The following ACVR2A variants were observed in gnomAD, a reference collection of about 807,000 sequenced individuals.
ACVR2A encodes the protein activin A receptor type 2A, also known as activin receptor type-2A.
In ACVR2A, 7 loss-of-function variants were observed where a neutral mutation model predicts 61.4. The ratio of observed to expected loss-of-function variants is 0.11; its 90% CI spans 0.06 to 0.21. The LOEUF (loss-of-function observed/expected upper bound fraction) is 0.21, where lower values mean the gene tolerates loss of function less well. Ranked by LOEUF, ACVR2A falls within the 10% of genes least tolerant of loss-of-function variation. The probability of loss-of-function intolerance (pLI) is 1.00; values close to 1 mark genes in which losing one functional copy is unlikely to be tolerated. For synonymous variants in ACVR2A, 193 were observed against 208.3 expected, an observed-to-expected ratio of 0.93 and a Z score of 0.63; for missense variants, 322 against 621.7, an observed-to-expected ratio of 0.52 and a Z score of 5.13.
At chr2:147,910,062 CAT>C (rs375584364) in intron 4 of ACVR2A, among the ~76,000 whole-genome samples, 80 of 152,202 alleles carry the variant, frequency 5.3e-4, no homozygotes, top group East Asian at 2.1e-3. Context: ...ATTAAGCAAA[CAT>C]ATGTGGTTAT....
chr2:147,918,580 C>T lies in ACVR2A; in HGVS notation c.950C>T (p.Ala317Val). 1.9e-6 allele frequency: 3 copies of T among 1,605,958 alleles called. No individual in the cohort carries two copies. The highest frequency in any genetic ancestry group is 2.5e-6 in the Non-Finnish European group (3 of 1,176,890). ...IPGLKDGHKP[A>V]ISHRDIKSKN... ...GGCCTAAAAGATGGCCACAAACCTG[C>T]CATATCTCACAGGTAGACTAAATTT... The change falls in exon 7 of 11, where the codon GCC becomes GTC. Residue 317 changes from alanine (A) to valine (V), a missense_variant. By Grantham distance (64) the Ala-to-Val change is moderately conservative (BLOSUM62 0). Around this residue, in one of 3 missense-constraint regions of ACVR2A, gnomAD observed 146 missense variants for 383.8 expected, o/e 0.38. Transcript: ENST00000241416.
chr2:147,910,119 G>A (rs558711080), intron 4 of ACVR2A, among the ~76,000 whole-genome samples: 6 of 151,386 alleles, frequency 4.0e-5, no homozygotes, highest in South Asian at 2.1e-4. Flanking sequence ...TTTTTGTTCC[G>A]TTTTTACCCT....
intron 2 of ACVR2A, among the ~76,000 whole-genome samples, chr2:147,898,550 C>T (rs142817224): frequency 2.0e-5 from 3 of 152,134 alleles, no homozygotes; most frequent in African/African-American, 7.2e-5. Context: ...CCTGAAATTT[C>T]TTCAGCTTTT....
At chr2:147,918,854 G>C (rs180672605) in intron 7 of ACVR2A, among the ~76,000 whole-genome samples, 1 of 151,800 alleles carries the variant, frequency 6.6e-6, no homozygotes, top group Non-Finnish European at 1.5e-5. Flanking sequence ...ATATTTTCTC[G>C]ATCTCAAAGG....
intron 1 of ACVR2A, among the ~76,000 whole-genome samples, chr2:147,871,250 G>T (rs1306964339): frequency 6.6e-6 from 1 of 151,988 alleles, no homozygotes; most frequent in Non-Finnish European, 1.5e-5. Context: ...TTGCTAGGAA[G>T]AAATTGTTTT....
intron 4 of ACVR2A, among the ~76,000 whole-genome samples, chr2:147,905,171 C>A (rs1312724247): frequency 1.3e-5 from 2 of 151,982 alleles, no homozygotes; most frequent in African/African-American, 4.8e-5. Flanking sequence ...TGGTGTGTAT[C>A]CCTTGGCACC....
At chr2:147,851,393 A>G (rs1431190791) in intron 1 of ACVR2A, among the ~76,000 whole-genome samples, 2 of 152,088 alleles carry the variant, frequency 1.3e-5, no homozygotes, top group African/African-American at 4.8e-5. Context: ...CATCTACACA[A>G]TGGGGGGATA....
chr2:147,877,951 G>GA (rs1266198930), intron 1 of ACVR2A, among the ~76,000 whole-genome samples: 3 of 151,988 alleles, frequency 2.0e-5, no homozygotes, highest in African/African-American at 4.8e-5. Flanking sequence ...TTTACTCTTC[G>GA]AAAACTGTAT....
At chr2:147,846,232 T>A (rs1460746976) in intron 1 of ACVR2A, among the ~76,000 whole-genome samples, 1 of 151,912 alleles carries the variant, frequency 6.6e-6, no homozygotes, top group Non-Finnish European at 1.5e-5. Context: ...CTATTTATTG[T>A]AAAATTTAAT....
At chr2:147,854,305 G>A (rs919172506) in intron 1 of ACVR2A, among the ~76,000 whole-genome samples, 6 of 152,116 alleles carry the variant, frequency 3.9e-5, no homozygotes, top group Admixed American at 1.3e-4. Flanking sequence ...GGACTAAATC[G>A]TCTCTATTTA....
At chr2:147,918,681 G>T in intron 7 of ACVR2A, 89 bp downstream of exon 7, 1 of 1,181,852 alleles carries the variant, frequency 8.5e-7, no homozygotes, top group Non-Finnish European at 1.2e-6. Flanking sequence ...TTTTTCCTTT[G>T]TTATGCAATC....
intron 4 of ACVR2A, among the ~76,000 whole-genome samples, chr2:147,911,883 TTA>T (rs1437763784): frequency 2.6e-5 from 4 of 152,048 alleles, no homozygotes; most frequent in Non-Finnish European, 4.4e-5. Context: ...TGGTTAATTT[TTA>T]TATGTCATTA....
chr2:147,854,527 C>T (rs1293396652), intron 1 of ACVR2A, among the ~76,000 whole-genome samples: 1 of 152,144 alleles, frequency 6.6e-6, no homozygotes, highest in African/African-American at 2.4e-5. Flanking sequence ...TGGACTAAAA[C>T]TTAAGAGTCT....
intron 4 of ACVR2A, among the ~76,000 whole-genome samples, chr2:147,909,045 T>C (rs1186805740): frequency 1.3e-5 from 2 of 152,166 alleles, no homozygotes; most frequent in African/African-American, 4.8e-5. Flanking sequence ...TCACAGGTAG[T>C]GATTGTCTCT....
chr2:147,876,244 G>A (rs1358259534), intron 1 of ACVR2A, among the ~76,000 whole-genome samples: 1 of 151,872 alleles, frequency 6.6e-6, no homozygotes, highest in Admixed American at 6.6e-5. Flanking sequence ...TTCTATTCTT[G>A]TAATTTGTCT....
At chr2:147,890,056 C>G (rs1334876969) in intron 1 of ACVR2A, among the ~76,000 whole-genome samples, 1 of 151,932 alleles carries the variant, frequency 6.6e-6, no homozygotes, top group Non-Finnish European at 1.5e-5. Context: ...GGTACCTTGT[C>G]CAAGGTCACA....
chr2:147,879,262 G>A (rs1222189847), intron 1 of ACVR2A, among the ~76,000 whole-genome samples: 1 of 152,086 alleles, frequency 6.6e-6, no homozygotes, highest in Admixed American at 6.6e-5. Flanking sequence ...CAGTTCTGGA[G>A]ACTCCAAGAT....
At chr2:147,887,211 C>CA (rs549077029) in intron 1 of ACVR2A, among the ~76,000 whole-genome samples, 6,105 of 113,844 alleles carry the variant, frequency 0.054, 308 homozygotes, top group African/African-American at 0.15. Flanking sequence ...GATCTTGTCT[C>CA]AAAAAAAAAA....
chr2:147,847,000 A>G (rs185524309), intron 1 of ACVR2A, among the ~76,000 whole-genome samples: 17 of 152,242 alleles, frequency 1.1e-4, no homozygotes, highest in Admixed American at 9.8e-4. Context: ...GGCTGTCGCT[A>G]CAGATCTTAC....
Sources: allele counts gnomAD v4.1 joint callset (sites outside exome capture counted in the v4.1 genomes callset), GRCh38; gene constraint gnomAD v4.1.1; regional missense constraint gnomAD v4.1.1; transcripts MANE v1.5; gene names NCBI Gene and HGNC (gene_info 2026-07-23, HGNC 2026-07-21).